NAA50: variants seen among roughly 807,000 people sequenced by gnomAD.
NAA50 encodes the protein N-alpha-acetyltransferase 50, NatE catalytic subunit.
In NAA50, 7 loss-of-function variants were observed where a neutral mutation model predicts 20.7. The observed-to-expected ratio is 0.34, with a 90% CI of 0.19 to 0.63. NAA50 has a LOEUF of 0.63. Among genes scored for constraint, NAA50 ranks in the 30% least tolerant of loss-of-function variants. The probability of loss-of-function intolerance (pLI) is 0.75; values close to 1 mark genes in which losing one functional copy is unlikely to be tolerated. For missense variants in NAA50, 111 were observed against 199.1 expected, an observed-to-expected ratio of 0.56 and a Z score of 2.66; for synonymous variants, 54 against 70.6, an observed-to-expected ratio of 0.77 and a Z score of 1.18.
intron 1 of NAA50, among the ~76,000 whole-genome samples, chr3:113,726,743 C>CAAAA (rs537817145): frequency 9.4e-6 from 1 of 105,850 alleles, no homozygotes; most frequent in Non-Finnish European, 2.0e-5. Flanking sequence ...GACTCCGCCT[C>CAAAA]AAAAAAAAAA....
At chr3:113,745,730 C>G in intron 1 of NAA50, 1 of 568,394 alleles carries the variant, frequency 1.8e-6, no homozygotes, top group Non-Finnish European at 3.0e-6. Context: ...CCTGAAGCCC[C>G]CCGGGTCTTG....
intron 1 of NAA50, among the ~76,000 whole-genome samples, chr3:113,734,817 T>C (rs1318500531): frequency 6.6e-6 from 1 of 152,228 alleles, no homozygotes; most frequent in Non-Finnish European, 1.5e-5. Context: ...TAAACACCTA[T>C]AAATACATGT....
chr3:113,734,871 T>C (rs1708319679), intron 1 of NAA50, among the ~76,000 whole-genome samples: 1 of 152,216 alleles, frequency 6.6e-6, no homozygotes, highest in African/African-American at 2.4e-5. Context: ...CAAACGCTTT[T>C]AAGGTATGAA....
At chr3:113,724,278 T>G (rs1708173980) in intron 1 of NAA50, among the ~76,000 whole-genome samples, 183 bp from the exon 2 acceptor site, 1 of 152,206 alleles carries the variant, frequency 6.6e-6, no homozygotes, top group Non-Finnish European at 1.5e-5. Flanking sequence ...ATTCTACTCA[T>G]AGCTTTCATA....
At position 113,732,964 on chromosome 3, in the gene NAA50, G is replaced by T. The variant is rs80264177; in HGVS notation, c.9-8869C>A. On this transcript the variant is annotated intron_variant, in intron 1 of 4. Coordinates refer to ENST00000240922, the MANE Select transcript of NAA50 (RefSeq NM_025146.4). ...GGTGTGATGTGATATCTCATTGGACGTATTTCTCTACTGACTAATGATGTT... is the reference window on the plus strand; with the variant it reads ...GGTGTGATGTGATATCTCATTGGACTTATTTCTCTACTGACTAATGATGTT... Among the ~76,000 whole-genome samples, 1,361 of 150,530 alleles carry T rather than the reference G, an allele frequency of 9.0e-3. 18 individuals carry two copies. The highest frequency in any genetic ancestry group is 0.031 in the African/African-American group (1,286 of 41,056).
At position 113,722,994 on chromosome 3, in the gene NAA50, AAC is replaced by A. The variant is rs760520780; in HGVS notation, c.266-24_266-23del. 7.3e-6 allele frequency: 11 copies of A among 1,506,860 alleles called. No individual in the cohort carries two copies. The South Asian group carries it at 1.4e-4, about 19-fold the overall frequency. The allele number at this position is 1,506,860 out of a possible 1,614,324, so 93.3% of individuals were successfully genotyped here. A position where few individuals can be genotyped will look rare whatever the true frequency, so the allele number is the denominator to read the frequency against. On this transcript the variant is annotated intron_variant, in intron 3 of 4. Transcript: ENST00000240922. ...GTTCCTGTTAATAAAATAAATAACA[AAC>A]ACGTGACTTCATAAATCAACCTTTA...
At position 113,720,777 on chromosome 3, in the gene NAA50, T is replaced by G. The variant is rs1182252479; in HGVS notation, c.*983A>C. 6.6e-6 allele frequency: 1 copy of G among 152,294 alleles called. No homozygotes were observed. The highest frequency in any genetic ancestry group is 1.5e-5 in the Non-Finnish European group (1 of 68,010). 9.4% of individuals were successfully genotyped at this position (152,294 alleles called of 1,614,324 possible). On this transcript the variant is annotated 3_prime_UTR_variant, in exon 5 of 5. Coordinates refer to ENST00000240922, the MANE Select transcript of NAA50 (RefSeq NM_025146.4). The stretch of plus-strand genomic sequence containing the variant: ...GGCATTAGATGACAGTAATTGAATT[T>G]TTTGTGTCACAGCCCATCTAAGCTT...
rs1320891124 is a variant in NAA50 at position 113,721,173 on chromosome 3, CAAG to C, written c.*584_*586del. 8 of 153,002 alleles carry C rather than the reference CAAG, an allele frequency of 5.2e-5. No individual in the cohort carries two copies. The East Asian group carries it at 1.5e-3, about 29-fold the overall frequency. The allele number at this position is 153,002 out of a possible 1,614,324, so 9.5% of individuals were successfully genotyped here. On this transcript the variant is annotated 3_prime_UTR_variant, in exon 5 of 5. Transcript: ENST00000240922. ...TAAACCAAACTGCCCCACCCACCAG[CAAG>C]AAGAGAAGATATAATTACTTAAAAA...
rs1708137748 is a variant in NAA50 at position 113,721,697 on chromosome 3, A to T, written c.*63T>A. On this transcript the variant is annotated 3_prime_UTR_variant, in exon 5 of 5. Coordinates refer to ENST00000240922, the MANE Select transcript of NAA50 (RefSeq NM_025146.4). The stretch of plus-strand genomic sequence containing the variant: ...AAGAAAAGTGTTGGGGTGGGGGAGG[A>T]ATCAATGGGCCTCTCTTTTATTTGG... 1.2e-5 allele frequency: 18 copies of T among 1,552,556 alleles called. No homozygotes were observed. Among genetic ancestry groups the T allele is most frequent in the Non-Finnish European group, 1.5e-5 (17 of 1,128,460 alleles).
At chr3:113,744,120 C>T (rs771558200) in intron 1 of NAA50, among the ~76,000 whole-genome samples, 25 of 152,116 alleles carry the variant, frequency 1.6e-4, no homozygotes, top group Non-Finnish European at 2.8e-4. Flanking sequence ...GTACTGAGTG[C>T]CTGACAATGA....
intron 1 of NAA50, 127 bp downstream of exon 1, chr3:113,745,815 A>G: frequency 8.7e-7 from 1 of 1,149,454 alleles, no homozygotes. Context: ...GGAACTGAGA[A>G]GCAGAGAAAT....
intron 1 of NAA50, among the ~76,000 whole-genome samples, chr3:113,731,887 G>C (rs994708162): frequency 6.6e-6 from 1 of 152,172 alleles, no homozygotes; most frequent in Non-Finnish European, 1.5e-5. Flanking sequence ...TATTTGGGCT[G>C]TATGTGCATC....
chr3:113,745,374 G>C (rs1425143455), intron 1 of NAA50, among the ~76,000 whole-genome samples: 1 of 152,066 alleles, frequency 6.6e-6, no homozygotes, highest in Non-Finnish European at 1.5e-5. Flanking sequence ...CAGTGATCGC[G>C]CTCTCTCCCC....
At position 113,746,160 on chromosome 3, in the gene NAA50, T is replaced by TGCC. The variant is rs1708498168; in HGVS notation, c.-214_-212dup. The TGCC allele has an allele frequency of 1.8e-6, 1 of 561,684 alleles. No homozygotes were observed. Among genetic ancestry groups the TGCC allele is most frequent in the African/African-American group, 2.0e-5 (1 of 50,022 alleles). The allele number at this position is 561,684 out of a possible 1,614,324, so 34.8% of individuals were successfully genotyped here. A position where few individuals can be genotyped will look rare whatever the true frequency, so the allele number is the denominator to read the frequency against. ...GGAGTGTCTCCCGCCGCCGCGCTTGTGCCGCCGCTTCTCCACACGTGCACT... is the reference window on the plus strand; with the variant it reads ...GGAGTGTCTCCCGCCGCCGCGCTTGTGCCGCCGCCGCTTCTCCACACGTGCACT... On this transcript the variant is annotated 5_prime_UTR_variant, in exon 1 of 5. Transcript: ENST00000240922.
At position 113,741,410 on chromosome 3, in the gene NAA50, C is replaced by T. The variant is rs199582802; in HGVS notation, c.8+4532G>A. ...GACTTAAATATAGCTCTCACGTTCA[C>T]GATGGGAAGAATGTGTCTACTGGTT... On this transcript the variant is annotated intron_variant, in intron 1 of 4. Coordinates refer to ENST00000240922, the MANE Select transcript of NAA50 (RefSeq NM_025146.4). Among the ~76,000 whole-genome samples the T allele has an allele frequency of 2.0e-5, 3 of 152,142 alleles. No homozygotes were observed. In the East Asian group the frequency reaches 5.8e-4, roughly 29 times the overall value.
At chr3:113,725,833 A>G (rs1429272593) in intron 1 of NAA50, among the ~76,000 whole-genome samples, 4 of 152,346 alleles carry the variant, frequency 2.6e-5, no homozygotes, top group African/African-American at 9.6e-5. Flanking sequence ...CTGGAGAGGA[A>G]TATGATGTAA....
rs549454860 is a variant in NAA50, at chr3:113,739,868, G to T, written c.8+6074C>A. On this transcript the variant is annotated intron_variant, in intron 1 of 4. Coordinates refer to ENST00000240922, the MANE Select transcript of NAA50 (RefSeq NM_025146.4). ...GGGTTTAGCACAGGACCGTCCAACA[G>T]ATATACAAGTGACATACAAAATTTT... is the stretch of plus-strand genomic sequence containing the variant. 1.5e-4 allele frequency among the ~76,000 whole-genome samples: 23 copies of T among 152,250 alleles called. 1 individual carries two copies. In the South Asian group the frequency reaches 4.8e-3, roughly 32 times the overall value.
intron 1 of NAA50, among the ~76,000 whole-genome samples, chr3:113,730,903 T>C (rs2107989290): frequency 6.6e-6 from 1 of 152,320 alleles, no homozygotes; most frequent in Non-Finnish European, 1.5e-5. Flanking sequence ...TAAGTTTTGG[T>C]ATGAACATAA....
At chr3:113,744,526 T>C (rs1708463503) in intron 1 of NAA50, among the ~76,000 whole-genome samples, 1 of 151,978 alleles carries the variant, frequency 6.6e-6, no homozygotes, top group Non-Finnish European at 1.5e-5. Flanking sequence ...AAAAACAACA[T>C]TCTCCAAATA....
Sources: gnomAD v4.1 joint callset for allele counts (sites outside exome capture counted in the v4.1 genomes callset) on GRCh38, gnomAD v4.1.1 for gene constraint, MANE v1.5 for transcripts, NCBI Gene and HGNC (gene_info 2026-07-23, HGNC 2026-07-21) for gene names.